SLIT3: variants seen among roughly 807,000 people sequenced by gnomAD.
SLIT3 encodes the protein slit homolog 3 protein.
SLIT3 carries 68 observed loss-of-function variants against 184.0 expected under a neutral mutation model. The observed-to-expected ratio is 0.37, with a 90% CI of 0.30 to 0.45. SLIT3 has a LOEUF of 0.45. Among genes scored for constraint, SLIT3 ranks in the 20% least tolerant of loss-of-function variants. SLIT3 has a pLI of 1.00. For synonymous variants in SLIT3, 831 were observed against 828.6 expected (o/e 1.00, Z -0.05); for missense variants, 1,707 against 2,026.0 (o/e 0.84, Z 3.02).
chr5:169,204,007 T>A (rs761081729), intron 3 of SLIT3, among the ~76,000 whole-genome samples: 2 of 152,038 alleles, frequency 1.3e-5, no homozygotes, highest in African/African-American at 2.4e-5. Context: ...ATGTAGGTGG[T>A]AATTTAAAGC....
intron 9 of SLIT3, among the ~76,000 whole-genome samples, chr5:168,796,089 A>G (rs902526690): frequency 2.6e-5 from 4 of 152,338 alleles, no homozygotes; most frequent in Admixed American, 6.5e-5. Flanking sequence ...GTTTTAATAC[A>G]GTGCAGGAAC....
At chr5:169,157,648 T>C (rs1178417803) in intron 4 of SLIT3, among the ~76,000 whole-genome samples, 1 of 152,160 alleles carries the variant, frequency 6.6e-6, no homozygotes, top group Admixed American at 6.5e-5. Context: ...AAATGTCCAG[T>C]TTCAATAGAA....
At position 168,825,424 on chromosome 5, in the gene SLIT3, G is replaced by GAAAGGCA. The variant is rs1169994907; in HGVS notation, c.558-2100_558-2094dup. Among the ~76,000 whole-genome samples, 7 of 152,232 alleles carry GAAAGGCA rather than the reference G, an allele frequency of 4.6e-5. No individual in the cohort carries two copies. In the East Asian group the frequency reaches 1.4e-3, roughly 29 times the overall value. On this transcript the variant is annotated intron_variant, in intron 6 of 35. Coordinates refer to ENST00000519560, the MANE Select transcript of SLIT3 (RefSeq NM_003062.4). ...CACATCTACTTATCATCTGCGTGGT[G>GAAAGGCA]AAAGGCACAGAACCTAATTCTTCTT...
chr5:169,299,949 CG>C (rs1767630787), intron 1 of SLIT3, among the ~76,000 whole-genome samples: 1 of 152,178 alleles, frequency 6.6e-6, no homozygotes, highest in Non-Finnish European at 1.5e-5. Context: ...CCAGGCAGAG[CG>C]GGTTTTGCGA....
chr5:168,803,722 G>A (rs1187619283), intron 9 of SLIT3, among the ~76,000 whole-genome samples: 1 of 152,134 alleles, frequency 6.6e-6, no homozygotes, highest in African/African-American at 2.4e-5. Context: ...GACGGTCTAT[G>A]GCTGCCAAAG....
chr5:169,045,287 C>T (rs1392237894), intron 4 of SLIT3, among the ~76,000 whole-genome samples: 1 of 152,152 alleles, frequency 6.6e-6, no homozygotes, highest in Non-Finnish European at 1.5e-5. Context: ...AACTTGGGCA[C>T]AGCTTCACTT....
At chr5:168,746,768 T>G (rs1219284160) in intron 20 of SLIT3, among the ~76,000 whole-genome samples, 1 of 96,170 alleles carries the variant, frequency 1.0e-5, no homozygotes, top group Non-Finnish European at 2.1e-5. Context: ...CGGTGTGTGG[T>G]GGTGTGTGGT....
intron 4 of SLIT3, among the ~76,000 whole-genome samples, chr5:168,995,917 G>T (rs576753763): frequency 3.3e-5 from 5 of 152,164 alleles, no homozygotes; most frequent in Admixed American, 1.3e-4. Context: ...TGGCAATTGT[G>T]GCCAATTCCC....
chr5:169,174,576 C>T (rs1446274078), intron 4 of SLIT3, among the ~76,000 whole-genome samples: 1 of 152,184 alleles, frequency 6.6e-6, no homozygotes, highest in African/African-American at 2.4e-5. Context: ...CTAATACCCT[C>T]CCTCACAGGG....
intron 5 of SLIT3, among the ~76,000 whole-genome samples, chr5:168,845,784 T>C (rs1207949923): frequency 1.3e-5 from 2 of 152,236 alleles, no homozygotes; most frequent in Non-Finnish European, 2.9e-5. Context: ...AATTGGTTAT[T>C]GACACCAGAT....
intron 4 of SLIT3, among the ~76,000 whole-genome samples, chr5:169,033,351 C>T (rs968463436): frequency 7.9e-5 from 12 of 152,082 alleles, no homozygotes; most frequent in Admixed American, 3.9e-4. Flanking sequence ...TGTCTGTCAC[C>T]GGACACTTAG....
At chr5:168,967,597 G>A (rs1360969962) in intron 4 of SLIT3, among the ~76,000 whole-genome samples, 2 of 143,600 alleles carry the variant, frequency 1.4e-5, no homozygotes, top group Non-Finnish European at 3.1e-5. Flanking sequence ...CCGCCACTAC[G>A]CCCGGCTAAT....
At chr5:169,281,978 A>G (rs1475206487) in intron 1 of SLIT3, among the ~76,000 whole-genome samples, 2 of 152,256 alleles carry the variant, frequency 1.3e-5, no homozygotes, top group African/African-American at 4.8e-5. Flanking sequence ...ATGTTGCTAA[A>G]TATAATGAAC....
At chr5:168,805,492 C>CA (rs1420303618) in intron 9 of SLIT3, among the ~76,000 whole-genome samples, 2 of 151,804 alleles carry the variant, frequency 1.3e-5, no homozygotes, top group African/African-American at 4.8e-5. Context: ...AAGGTGAAGG[C>CA]AAAAAAATGA....
intron 4 of SLIT3, among the ~76,000 whole-genome samples, chr5:168,909,685 A>G (rs1001026915): frequency 4.6e-5 from 7 of 152,226 alleles, no homozygotes; most frequent in Non-Finnish European, 1.0e-4. Context: ...TTTAGGCATT[A>G]TAAGAAGAAA....
At chr5:168,756,640 G>C (rs918551860) in intron 16 of SLIT3, among the ~76,000 whole-genome samples, 1 of 152,150 alleles carries the variant, frequency 6.6e-6, no homozygotes, top group African/African-American at 2.4e-5. Context: ...CCTGGTCTGG[G>C]ATAACCCAGG....
At chr5:168,764,887 C>T (rs1324049791) in intron 14 of SLIT3, among the ~76,000 whole-genome samples, 2 of 152,226 alleles carry the variant, frequency 1.3e-5, no homozygotes, top group East Asian at 1.9e-4. Context: ...TAACTCTGAC[C>T]TGCACCATTT....
chr5:169,287,671 A>G (rs1767205528), intron 1 of SLIT3, among the ~76,000 whole-genome samples: 1 of 152,224 alleles, frequency 6.6e-6, no homozygotes, highest in Non-Finnish European at 1.5e-5. Flanking sequence ...GGGGAGGAAC[A>G]GAACCAAGTT....
At chr5:169,266,456 G>A (rs1006525370) in intron 1 of SLIT3, among the ~76,000 whole-genome samples, 13 of 152,166 alleles carry the variant, frequency 8.5e-5, no homozygotes, top group African/African-American at 3.1e-4. Flanking sequence ...TTCCAGGCAA[G>A]GCTATAAAAC....
Sources: allele counts gnomAD v4.1 joint callset (sites outside exome capture counted in the v4.1 genomes callset), GRCh38; gene constraint gnomAD v4.1.1; transcripts MANE v1.5; gene names NCBI Gene and HGNC (gene_info 2026-07-23, HGNC 2026-07-21).